Variants in MAGI2 observed in about 807,000 individuals in gnomAD.
MAGI2 encodes membrane-associated guanylate kinase, WW and PDZ domain-containing protein 2.
In MAGI2, 35 loss-of-function variants were observed where a neutral mutation model predicts 133.3. The ratio of observed to expected loss-of-function variants is 0.26; its 90% CI spans 0.20 to 0.35. The LOEUF is 0.35. Ranked by LOEUF, MAGI2 falls within the 10% of genes least tolerant of loss-of-function variation. The pLI is 1.00. For missense variants in MAGI2, 1,636 were observed against 1,863.4 expected (o/e 0.88, Z 2.25); for synonymous variants, 729 against 710.6 (o/e 1.03, Z -0.41).
rs565869798 is a variant in MAGI2, at chr7:79,104,362, T to C, written c.302-97156A>G. On this transcript the variant is annotated intron_variant, in intron 1 of 21. Transcript: ENST00000354212. Reference sequence around the variant, plus strand: ...ACATGACATGGAAAATGATTACTTATTGTTTAAATAAAAAACAATTTTTAG... The same window carrying C: ...ACATGACATGGAAAATGATTACTTACTGTTTAAATAAAAAACAATTTTTAG... Among the ~76,000 whole-genome samples the C allele has an allele frequency of 2.3e-4, 35 of 152,296 alleles. 2 individuals are homozygous for C. Among genetic ancestry groups the C allele is most frequent in the Admixed American group, 2.3e-3 (35 of 15,292 alleles).
At chr7:78,680,636 T>G (rs1484575646) in intron 2 of MAGI2, among the ~76,000 whole-genome samples, 1 of 152,176 alleles carries the variant, frequency 6.6e-6, no homozygotes, top group East Asian at 1.9e-4. Context: ...ATTCTGTTTT[T>G]AATAACCTCT....
intron 6 of MAGI2, among the ~76,000 whole-genome samples, chr7:78,454,740 A>C (rs951502568): frequency 7.2e-5 from 11 of 152,288 alleles, no homozygotes; most frequent in African/African-American, 2.6e-4. Context: ...TTTAGAGATA[A>C]AACGCAATGA....
intron 19 of MAGI2, among the ~76,000 whole-genome samples, chr7:78,126,879 T>C (rs1449520872): frequency 6.6e-6 from 1 of 152,232 alleles, no homozygotes; most frequent in Non-Finnish European, 1.5e-5. Flanking sequence ...GGTTAGAGCA[T>C]TTTTAAAACT....
intron 2 of MAGI2, among the ~76,000 whole-genome samples, chr7:78,721,807 T>C (rs541783228): frequency 6.6e-6 from 1 of 151,740 alleles, no homozygotes; most frequent in African/African-American, 2.4e-5. Context: ...AACCCAAACA[T>C]AAACAGATAA....
chr7:79,324,186 T>C (rs1235378144), intron 1 of MAGI2, among the ~76,000 whole-genome samples: 2 of 151,780 alleles, frequency 1.3e-5, no homozygotes, highest in Non-Finnish European at 2.9e-5. Context: ...TTTTTATTAT[T>C]TTCTCTTCTA....
rs533469752 is a variant in MAGI2 at position 78,674,083 on chromosome 7, T to G, written c.419-46844A>C. Among the ~76,000 whole-genome samples, 14 of 152,304 alleles carry G rather than the reference T, an allele frequency of 9.2e-5. No homozygotes were observed. The East Asian group carries it at 2.7e-3, about 29-fold the overall frequency. On this transcript the variant is annotated intron_variant, in intron 2 of 21. Transcript: ENST00000354212. ...TCATGATGACATAGTGCACTGCTGATGTTGAGCAGTCAACAATTTTTTGCT... is the reference window on the plus strand; with the variant it reads ...TCATGATGACATAGTGCACTGCTGAGGTTGAGCAGTCAACAATTTTTTGCT...
chr7:78,360,150 ATTGGTTT>A (rs1196864854), intron 7 of MAGI2, among the ~76,000 whole-genome samples: 2 of 152,204 alleles, frequency 1.3e-5, no homozygotes, highest in East Asian at 3.8e-4. Context: ...ATCAGTCTGC[ATTGGTTT>A]GACTTCCTCA....
At chr7:79,150,143 G>C (rs1006958777) in intron 1 of MAGI2, among the ~76,000 whole-genome samples, 1 of 152,068 alleles carries the variant, frequency 6.6e-6, no homozygotes, top group Non-Finnish European at 1.5e-5. Context: ...CAATCACGGT[G>C]GGGACAGGTA....
At chr7:78,228,530 C>G (rs1167818168) in intron 10 of MAGI2, among the ~76,000 whole-genome samples, 3 of 152,166 alleles carry the variant, frequency 2.0e-5, no homozygotes, top group Non-Finnish European at 4.4e-5. Flanking sequence ...TTTTACAAGA[C>G]TCACAACCCA....
At chr7:78,136,102 T>C (rs1462216511) in intron 16 of MAGI2, among the ~76,000 whole-genome samples, 1 of 146,480 alleles carries the variant, frequency 6.8e-6, no homozygotes, top group Non-Finnish European at 1.5e-5. Context: ...AATGTACACT[T>C]CTTTTCTTTC....
At chr7:79,256,689 C>A (rs993934226) in intron 1 of MAGI2, among the ~76,000 whole-genome samples, 4 of 151,830 alleles carry the variant, frequency 2.6e-5, no homozygotes, top group Non-Finnish European at 5.9e-5. Context: ...AGGGTTTCGC[C>A]GTGCTGCCTA....
chr7:78,927,764 T>C (rs538360850), intron 2 of MAGI2, among the ~76,000 whole-genome samples: 1 of 151,976 alleles, frequency 6.6e-6, no homozygotes, highest in Non-Finnish European at 1.5e-5. Context: ...TTTGTTTATC[T>C]GCCCTTTCTT....
intron 2 of MAGI2, among the ~76,000 whole-genome samples, chr7:78,798,654 C>G (rs937896066): frequency 3.3e-5 from 5 of 152,126 alleles, no homozygotes; most frequent in African/African-American, 1.2e-4. Context: ...AGGCCACAGT[C>G]CTGTGGTCAT....
intron 6 of MAGI2, among the ~76,000 whole-genome samples, chr7:78,405,578 C>G (rs1038124422): frequency 6.6e-6 from 1 of 152,108 alleles, no homozygotes; most frequent in Non-Finnish European, 1.5e-5. Context: ...ACTAGAGATA[C>G]CTAAGCAATT....
chr7:78,900,905 C>T (rs375107161), intron 2 of MAGI2, among the ~76,000 whole-genome samples: 45 of 152,184 alleles, frequency 3.0e-4, no homozygotes, highest in African/African-American at 1.0e-3. Context: ...GCCTACAAGT[C>T]CTGTGAGTCC....
chr7:79,253,661 C>G (rs1413008220), intron 1 of MAGI2, among the ~76,000 whole-genome samples: 6 of 151,898 alleles, frequency 4.0e-5, no homozygotes, highest in African/African-American at 1.2e-4. Flanking sequence ...AGTAATAACA[C>G]AGTTTAAAAC....
At chr7:78,954,316 A>G (rs1266053803) in intron 2 of MAGI2, among the ~76,000 whole-genome samples, 5 of 152,068 alleles carry the variant, frequency 3.3e-5, no homozygotes, top group Non-Finnish European at 7.4e-5. Flanking sequence ...GACCTCCCAC[A>G]TTACAAATGT....
intron 11 of MAGI2, among the ~76,000 whole-genome samples, chr7:78,197,135 G>T (rs1013271039): frequency 6.6e-5 from 10 of 152,136 alleles, no homozygotes; most frequent in African/African-American, 2.4e-4. Flanking sequence ...TCATTTGATC[G>T]CAAAATTCAT....
rs1041250057 is a variant in MAGI2, at chr7:78,554,058, A to C, written c.539-32413T>G. 2.0e-5 allele frequency among the ~76,000 whole-genome samples: 3 copies of C among 152,324 alleles called. No homozygotes were observed. In the East Asian group the frequency reaches 5.8e-4, roughly 29 times the overall value. ...AAAATGTGTTCCCCTTTATTAAAAA[A>C]CAATGATGAAACAATAACATATCCT... On this transcript the variant is annotated intron_variant, in intron 3 of 21. Coordinates refer to ENST00000354212, the MANE Select transcript of MAGI2 (RefSeq NM_012301.4).
Sources: allele counts gnomAD v4.1 joint callset (sites outside exome capture counted in the v4.1 genomes callset), GRCh38; gene constraint gnomAD v4.1.1; transcripts MANE v1.5; gene names NCBI Gene and HGNC (gene_info 2026-07-23, HGNC 2026-07-21).